NDUFAF6: variants seen among roughly 807,000 people sequenced by gnomAD.
NDUFAF6 encodes the protein NADH:ubiquinone oxidoreductase complex assembly factor 6, also known as NADH dehydrogenase (ubiquinone) complex I, assembly factor 6.
Under a neutral mutation model 40.8 loss-of-function variants are expected in NDUFAF6, and 45 were observed. The observed-to-expected ratio is 1.10, with a 90% confidence interval of 0.87 to 1.42. The LOEUF (loss-of-function observed/expected upper bound fraction) is 1.42. Ranked by LOEUF, NDUFAF6 falls within the 40% of genes most tolerant of loss-of-function variation. NDUFAF6 has a pLI of 0.00. For missense variants in NDUFAF6, 435 were observed against 418.5 expected (o/e 1.04, Z -0.34); for synonymous variants, 185 against 155.9 (o/e 1.19, Z -1.39).
intron 1 of NDUFAF6, among the ~76,000 whole-genome samples, chr8:94,924,540 C>T (rs548766007): frequency 6.6e-6 from 1 of 152,174 alleles, no homozygotes; most frequent in Non-Finnish European, 1.5e-5. Flanking sequence ...TAATCTTAGG[C>T]CACATATCAA....
intron 1 of NDUFAF6, among the ~76,000 whole-genome samples, chr8:94,916,830 A>AG (rs1238554191): frequency 1.0e-4 from 15 of 147,998 alleles, no homozygotes; most frequent in African/African-American, 3.7e-4. Flanking sequence ...AAAAAAAAAA[A>AG]AAGGCCGGGC....
chr8:95,005,456 C>T (rs1261489942), intron 2 of NDUFAF6, among the ~76,000 whole-genome samples: 2 of 147,768 alleles, frequency 1.4e-5, no homozygotes, highest in Admixed American at 6.8e-5. Flanking sequence ...ACAACTTGTG[C>T]CATCATTATT....
At chr8:94,908,244 T>G (rs1324942216) in intron 1 of NDUFAF6, among the ~76,000 whole-genome samples, 1 of 152,182 alleles carries the variant, frequency 6.6e-6, no homozygotes, top group African/African-American at 2.4e-5. Flanking sequence ...TGAGGTATAG[T>G]GCCTAAAACA....
intron 1 of NDUFAF6, among the ~76,000 whole-genome samples, chr8:94,924,204 G>C (rs1379970136): frequency 2.6e-5 from 4 of 152,078 alleles, no homozygotes; most frequent in Non-Finnish European, 5.9e-5. Context: ...GGGATTAACA[G>C]GGGCACGCCA....
chr8:94,938,685 A>G (rs1821227175), intron 1 of NDUFAF6, among the ~76,000 whole-genome samples: 1 of 152,192 alleles, frequency 6.6e-6, no homozygotes, highest in Admixed American at 6.5e-5. Flanking sequence ...GCCTCTGGAG[A>G]GCTGAACATG....
intron 2 of NDUFAF6, among the ~76,000 whole-genome samples, chr8:95,017,589 G>T (rs17666409): frequency 0.032 from 4,849 of 152,294 alleles, 134 homozygotes; most frequent in Non-Finnish European, 0.052. Flanking sequence ...TAGGTGTTTA[G>T]CTAGCCAGTA....
intron 1 of NDUFAF6, among the ~76,000 whole-genome samples, chr8:94,919,768 T>A (rs1319050929): frequency 1.3e-5 from 2 of 152,180 alleles, no homozygotes; most frequent in Non-Finnish European, 2.9e-5. Context: ...AGCCCTGATG[T>A]TCTCAATGCT....
At chr8:95,051,405 T>C (rs1266892775) in intron 7 of NDUFAF6, among the ~76,000 whole-genome samples, 2 of 152,186 alleles carry the variant, frequency 1.3e-5, no homozygotes, top group Non-Finnish European at 2.9e-5. Context: ...ATGTGGTGAT[T>C]AGTAAATCAT....
At chr8:95,105,054 CACACACACACACAGAGAG>C (rs1563870638), downstream of NDUFAF6, among the ~76,000 whole-genome samples, 2 of 60,052 alleles carry the variant, frequency 3.3e-5, no homozygotes, top group African/African-American at 1.3e-4. Flanking sequence ...CACACACACA[CACACACACACACAGAGAG>C]AGAGAGAGAG....
chr8:95,117,314 G>A (rs893924197), downstream of NDUFAF6, among the ~76,000 whole-genome samples: 5 of 152,206 alleles, frequency 3.3e-5, no homozygotes, highest in Non-Finnish European at 7.3e-5. Context: ...TCCCTGGAAA[G>A]GTGGGCTGAG....
intron 1 of NDUFAF6, among the ~76,000 whole-genome samples, chr8:94,917,331 G>A (rs1819206801): frequency 6.6e-6 from 1 of 152,112 alleles, no homozygotes; most frequent in African/African-American, 2.4e-5. Flanking sequence ...AATCAGCAAG[G>A]TAGTCTAACG....
chr8:95,090,842 G>T (rs999514029), intron 2 of NDUFAF6, among the ~76,000 whole-genome samples: 5 of 152,060 alleles, frequency 3.3e-5, no homozygotes, highest in Non-Finnish European at 7.4e-5. Context: ...GGAGAGACTG[G>T]CCTAGCATCC....
At chr8:94,901,462 A>G (rs975543172) in intron 1 of NDUFAF6, among the ~76,000 whole-genome samples, 1 of 152,012 alleles carries the variant, frequency 6.6e-6, no homozygotes, top group African/African-American at 2.4e-5. Flanking sequence ...GGCGACTGAG[A>G]CAAGTAAAAG....
chr8:94,967,772 T>A (rs1170421044), intron 1 of NDUFAF6, among the ~76,000 whole-genome samples: 1 of 151,906 alleles, frequency 6.6e-6, no homozygotes, highest in Admixed American at 6.6e-5. Context: ...AAACCCCATC[T>A]CTACTAAAAA....
intron 3 of NDUFAF6, among the ~76,000 whole-genome samples, chr8:95,036,822 G>A (rs1829559065): frequency 1.3e-5 from 2 of 152,184 alleles, no homozygotes. Context: ...GATTTTAATA[G>A]CTGCTTAAAT....
chr8:94,933,064 A>G (rs1820582739), intron 1 of NDUFAF6, among the ~76,000 whole-genome samples: 1 of 152,104 alleles, frequency 6.6e-6, no homozygotes, highest in South Asian at 2.1e-4. Context: ...TTAAAATACA[A>G]AAAATTAGCT....
At chr8:95,078,662 A>AAAAATATATATATAT (rs545018367), downstream of NDUFAF6, 1 of 121,052 alleles carries the variant, frequency 8.3e-6, no homozygotes, top group African/African-American at 3.3e-5. Flanking sequence ...AAAAAAAAAA[A>AAAAATATATATATAT]ATATATATAT....
At chr8:94,990,517 C>G (rs780602776) in intron 2 of NDUFAF6, among the ~76,000 whole-genome samples, 6 of 152,012 alleles carry the variant, frequency 3.9e-5, no homozygotes, top group Non-Finnish European at 5.9e-5. Context: ...TTTCACTAAA[C>G]CTTTCCAAAA....
At chr8:95,086,751 C>T (rs577380708) in intron 2 of NDUFAF6, among the ~76,000 whole-genome samples, 1 of 151,954 alleles carries the variant, frequency 6.6e-6, no homozygotes, top group African/African-American at 2.4e-5. Context: ...ACAGGCGCCC[C>T]CCACCACGCC....
Sources: gnomAD v4.1 joint callset for allele counts (sites outside exome capture counted in the v4.1 genomes callset) on GRCh38, gnomAD v4.1.1 for gene constraint, MANE v1.5 for transcripts, NCBI Gene and HGNC (gene_info 2026-07-23, HGNC 2026-07-21) for gene names.